ENTREP1: variants seen among roughly 807,000 people sequenced by gnomAD.
ENTREP1 encodes Friedreich ataxia region gene X123.
the ENTREP1 span, among the ~76,000 whole-genome samples, chr9:69,362,985 A>G: frequency 1.3e-5 from 2 of 152,154 alleles, no homozygotes; most frequent in Non-Finnish European, 2.9e-5. Flanking sequence ...AACCCCCTTT[A>G]TATATCAATC....
At chr9:69,334,504 C>G in the ENTREP1 span, among the ~76,000 whole-genome samples, 1 of 152,180 alleles carries the variant, frequency 6.6e-6, no homozygotes, top group Admixed American at 6.5e-5. Context: ...CCTTACTGAT[C>G]TGTAGTTGAT....
At chr9:69,373,481 T>A in the ENTREP1 span, among the ~76,000 whole-genome samples, 3 of 152,154 alleles carry the variant, frequency 2.0e-5, no homozygotes, top group African/African-American at 7.2e-5. Flanking sequence ...GATTTTTTTT[T>A]AAATGAGGTA....
chr9:69,367,744 C>CACATATATATAAATATATATACACACAT, the ENTREP1 span, among the ~76,000 whole-genome samples: 1 of 98,694 alleles, frequency 1.0e-5, no homozygotes, highest in East Asian at 2.7e-4. Flanking sequence ...TATATATACA[C>CACATATATATAAATATATATACACACAT]ATATATAAAT....
At chr9:69,344,586 G>A in the ENTREP1 span, among the ~76,000 whole-genome samples, 1 of 152,120 alleles carries the variant, frequency 6.6e-6, no homozygotes, top group African/African-American at 2.4e-5. Flanking sequence ...GAGCAGTGGG[G>A]CCCTGCCTCT....
At chr9:69,336,235 G>A in the ENTREP1 span, 1 of 1,587,146 alleles carries the variant, frequency 6.3e-7, no homozygotes, top group Non-Finnish European at 8.6e-7. Flanking sequence ...GGAATCATAG[G>A]ATTAACAACT....
the ENTREP1 span, among the ~76,000 whole-genome samples, chr9:69,330,664 T>C: frequency 4.6e-5 from 7 of 152,262 alleles, no homozygotes; most frequent in Admixed American, 2.6e-4. Context: ...AATACTACTT[T>C]AATATTTAAG....
the ENTREP1 span, among the ~76,000 whole-genome samples, chr9:69,367,666 T>TAC: frequency 6.8e-4 from 29 of 42,528 alleles, 2 homozygotes; most frequent in South Asian, 3.7e-3. Context: ...AATATATATA[T>TAC]ACACACATAT....
chr9:69,374,679 G>A, the ENTREP1 span, among the ~76,000 whole-genome samples: 1 of 152,076 alleles, frequency 6.6e-6, no homozygotes, highest in Non-Finnish European at 1.5e-5. Flanking sequence ...AAATGTACAG[G>A]CAGGATTAAG....
the ENTREP1 span, among the ~76,000 whole-genome samples, chr9:69,334,189 A>G: frequency 0.086 from 13,162 of 152,268 alleles, 732 homozygotes; most frequent in African/African-American, 0.15. Context: ...ACTGTGAGTC[A>G]CACACGCCCT....
the ENTREP1 span, chr9:69,383,680 TC>T: frequency 6.2e-7 from 1 of 1,614,092 alleles, no homozygotes. Context: ...GGAGCTCGAA[TC>T]AAAGGTGTGG....
chr9:69,388,945 C>T, the ENTREP1 span, among the ~76,000 whole-genome samples: 1 of 152,196 alleles, frequency 6.6e-6, no homozygotes, highest in African/African-American at 2.4e-5. Flanking sequence ...ACCTTTTCTT[C>T]TTGTAGATTA....
the ENTREP1 span, chr9:69,371,232 G>A: frequency 2.2e-6 from 1 of 450,836 alleles, no homozygotes; most frequent in Middle Eastern, 6.6e-4. Context: ...ATGTGTGGGT[G>A]GAAGATAAGG....
chr9:69,340,653 A>ATG, the ENTREP1 span, among the ~76,000 whole-genome samples: 4 of 98,836 alleles, frequency 4.0e-5, no homozygotes, highest in East Asian at 5.5e-4. Context: ...GTGTGTGTGC[A>ATG]TGTGTGTGTG....
At chr9:69,341,822 C>G in the ENTREP1 span, among the ~76,000 whole-genome samples, 1 of 151,956 alleles carries the variant, frequency 6.6e-6, no homozygotes, top group Non-Finnish European at 1.5e-5. Flanking sequence ...GAAATGAACC[C>G]TTGTTTGATG....
the ENTREP1 span, among the ~76,000 whole-genome samples, chr9:69,329,164 A>T: frequency 2.0e-5 from 3 of 152,346 alleles, no homozygotes; most frequent in East Asian, 5.8e-4. Flanking sequence ...GGTTACTTCA[A>T]ACCCACATAG....
the ENTREP1 span, chr9:69,386,390 T>C: frequency 6.6e-6 from 1 of 152,284 alleles, no homozygotes; most frequent in Non-Finnish European, 1.5e-5. Context: ...TCTGACCTTG[T>C]TTTTAGAACT....
At chr9:69,336,169 G>T in the ENTREP1 span, 1 of 1,013,726 alleles carries the variant, frequency 9.9e-7, no homozygotes, top group Non-Finnish European at 1.5e-6. Context: ...TTTGTTTATT[G>T]GAATTGGTCC....
chr9:69,368,441 T>C, the ENTREP1 span, among the ~76,000 whole-genome samples: 6 of 152,184 alleles, frequency 3.9e-5, no homozygotes, highest in Non-Finnish European at 7.4e-5. Flanking sequence ...TCTCATAATG[T>C]GATGTATCAC....
At chr9:69,346,337 C>T in the ENTREP1 span, among the ~76,000 whole-genome samples, 1 of 152,082 alleles carries the variant, frequency 6.6e-6, no homozygotes, top group Admixed American at 6.5e-5. Context: ...GTTGTCCTAC[C>T]TTGTTAAAAG....
Sources: allele counts gnomAD v4.1 joint callset (sites outside exome capture counted in the v4.1 genomes callset), GRCh38; gene constraint gnomAD v4.1.1; transcripts MANE v1.5; gene names NCBI Gene and HGNC (gene_info 2026-07-23, HGNC 2026-07-21).